Variants in CDH10 observed in about 807,000 individuals in gnomAD.
CDH10 encodes the protein cadherin-10.
Under a neutral mutation model 73.1 loss-of-function variants are expected in CDH10, and 30 were observed. The observed-to-expected ratio is 0.41, with a 90% CI of 0.31 to 0.56. The LOEUF is 0.56. CDH10 is among the 20% of genes least tolerant of loss of function. CDH10 has a pLI of 0.27. For synonymous variants in CDH10, 345 were observed against 348.2 expected, an observed-to-expected ratio of 0.99 and a Z score of 0.10; for missense variants, 815 against 973.7, an observed-to-expected ratio of 0.84 and a Z score of 2.17.
At chr5:24,642,198 ATAC>A (rs1002335907) in intron 1 of CDH10, among the ~76,000 whole-genome samples, 19 of 152,166 alleles carry the variant, frequency 1.2e-4, no homozygotes, top group African/African-American at 4.6e-4. Flanking sequence ...ATCAGAGCCA[ATAC>A]TGCTGCTGTG....
At chr5:24,618,330 G>GCAGA (rs1330851937) in intron 1 of CDH10, among the ~76,000 whole-genome samples, 3 of 152,186 alleles carry the variant, frequency 2.0e-5, no homozygotes, top group African/African-American at 7.2e-5. Context: ...CAACGCTGTT[G>GCAGA]CAGAGTAAAT....
chr5:24,597,343 A>T (rs1746403778), intron 1 of CDH10, among the ~76,000 whole-genome samples: 2 of 152,240 alleles, frequency 1.3e-5, no homozygotes, highest in South Asian at 2.1e-4. Context: ...ATGTGCTTTG[A>T]CTGGCAAAGC....
intron 2 of CDH10, among the ~76,000 whole-genome samples, chr5:24,590,287 T>G (rs964819927): frequency 6.6e-6 from 1 of 150,902 alleles, no homozygotes; most frequent in East Asian, 1.9e-4. Context: ...TCCTCTTAAT[T>G]TTTTTTTTCT....
In CDH10 at chr5:24,499,698, AAAT is replaced by A. The variant is rs1156355449; in HGVS notation, c.1394-1182_1394-1180del. ...TGAGATTCCATCTCAGAAAAAAAAA[AAAT>A]GATGCATTTTCAAACTTGTTTTGAT... On this transcript the variant is annotated intron_variant, in intron 8 of 11. Coordinates refer to ENST00000264463, the MANE Select transcript of CDH10 (RefSeq NM_006727.5). 2.0e-5 allele frequency among the ~76,000 whole-genome samples: 3 copies of A among 149,696 alleles called. No individual in the cohort carries two copies. In the East Asian group the frequency reaches 5.9e-4, roughly 30 times the overall value.
chr5:24,594,430 T>C (rs1049985396), intron 1 of CDH10, among the ~76,000 whole-genome samples: 7 of 144,882 alleles, frequency 4.8e-5, no homozygotes, highest in African/African-American at 1.9e-4. Context: ...TCAGATCATG[T>C]CATTTTTTTT....
intron 2 of CDH10, among the ~76,000 whole-genome samples, chr5:24,583,314 T>C (rs1425873239): frequency 1.3e-5 from 2 of 151,824 alleles, no homozygotes; most frequent in Non-Finnish European, 2.9e-5. Context: ...TTGGAATATG[T>C]AACAAAAAAC....
intron 5 of CDH10, among the ~76,000 whole-genome samples, chr5:24,528,741 G>T (rs1383064473): frequency 2.6e-5 from 4 of 151,934 alleles, no homozygotes; most frequent in Non-Finnish European, 5.9e-5. Flanking sequence ...TATAATCTAT[G>T]TAAAAGTAGT....
intron 11 of CDH10, among the ~76,000 whole-genome samples, chr5:24,489,847 G>A (rs916104503): frequency 6.6e-6 from 1 of 151,970 alleles, no homozygotes; most frequent in Non-Finnish European, 1.5e-5. Context: ...AGATAGTGAG[G>A]CCTCCATCCA....
intron 2 of CDH10, among the ~76,000 whole-genome samples, chr5:24,591,189 A>T: frequency 6.6e-6 from 1 of 152,190 alleles, no homozygotes; most frequent in Non-Finnish European, 1.5e-5. Flanking sequence ...ATAAGTAATT[A>T]ATGTAATACA....
intron 2 of CDH10, among the ~76,000 whole-genome samples, chr5:24,559,289 A>G (rs10473698): frequency 0.83 from 125,843 of 151,920 alleles, 52,165 homozygotes; most frequent in East Asian, 0.9. Flanking sequence ...AATTTTAGCA[A>G]TAAATAAGCC....
At chr5:24,591,651 A>G (rs1746202731) in intron 2 of CDH10, among the ~76,000 whole-genome samples, 1 of 151,930 alleles carries the variant, frequency 6.6e-6, no homozygotes. Context: ...TCAATTTAAT[A>G]TGACTCAGGT....
intron 1 of CDH10, among the ~76,000 whole-genome samples, chr5:24,599,777 T>C (rs1746498672): frequency 6.6e-6 from 1 of 152,122 alleles, no homozygotes; most frequent in Non-Finnish European, 1.5e-5. Context: ...CAAATCTTTG[T>C]GGCACGTATT....
intron 9 of CDH10, among the ~76,000 whole-genome samples, chr5:24,495,649 C>G (rs576408838): frequency 6.6e-6 from 1 of 151,960 alleles, no homozygotes; most frequent in Admixed American, 6.6e-5. Context: ...GAAATCGAGA[C>G]CATCCTGGCC....
intron 2 of CDH10, among the ~76,000 whole-genome samples, chr5:24,549,375 G>T (rs1470314442): frequency 1.3e-5 from 2 of 151,854 alleles, no homozygotes; most frequent in Non-Finnish European, 2.9e-5. Flanking sequence ...CTCCCAAAAG[G>T]ATAAATGAGA....
At chr5:24,628,491 C>T (rs1314287592) in intron 1 of CDH10, among the ~76,000 whole-genome samples, 2 of 151,982 alleles carry the variant, frequency 1.3e-5, no homozygotes, top group African/African-American at 4.8e-5. Context: ...CCCCTCAGGT[C>T]GGCTTATCTG....
chr5:24,632,716 T>G (rs74645892), intron 1 of CDH10, among the ~76,000 whole-genome samples: 4,524 of 152,070 alleles, frequency 0.03, 236 homozygotes, highest in African/African-American at 0.1. Context: ...AAGATTTGTA[T>G]GCAATTTTAT....
At chr5:24,624,516 G>A (rs1043148869) in intron 1 of CDH10, among the ~76,000 whole-genome samples, 24 of 152,074 alleles carry the variant, frequency 1.6e-4, no homozygotes, top group South Asian at 2.1e-4. Context: ...GAAAGTTTCC[G>A]TGTCAGAATA....
chr5:24,609,924 A>G (rs1435392775), intron 1 of CDH10: 1 of 152,296 alleles, frequency 6.6e-6, no homozygotes, highest in Non-Finnish European at 1.5e-5. Flanking sequence ...TTCCCCTGCC[A>G]TTCACAGAAT....
intron 2 of CDH10, among the ~76,000 whole-genome samples, chr5:24,582,047 A>G (rs1315457861): frequency 1.3e-5 from 2 of 152,176 alleles, no homozygotes; most frequent in South Asian, 2.1e-4. Context: ...TACTATGACA[A>G]CTTCTGAAAA....
Sources: allele counts gnomAD v4.1 joint callset (sites outside exome capture counted in the v4.1 genomes callset), GRCh38; gene constraint gnomAD v4.1.1; transcripts MANE v1.5; gene names NCBI Gene and HGNC (gene_info 2026-07-23, HGNC 2026-07-21).